RABAC1: variants seen among roughly 807,000 people sequenced by gnomAD.
The protein encoded by RABAC1 is Rab acceptor 1.
In RABAC1, 16 loss-of-function variants were observed where a neutral mutation model predicts 22.9. The observed-to-expected ratio is 0.70, with a 90% CI of 0.47 to 1.06. The LOEUF is 1.06. Among genes scored for constraint, RABAC1 ranks in the 50% least tolerant of loss-of-function variants. The pLI is 0.00. For missense variants in RABAC1, 227 were observed against 246.5 expected (o/e 0.92, Z 0.53); for synonymous variants, 139 against 107.7 (o/e 1.29, Z -1.80).
At chr19:41,959,046 C>T in intron 1 of RABAC1, 98 bp from the exon 2 acceptor site, 1 of 1,370,800 alleles carries the variant, frequency 7.3e-7, no homozygotes, top group Non-Finnish European at 9.7e-7. Context: ...CTCCCGGGAC[C>T]CCAGATTCCT....
intron 1 of RABAC1, 140 bp downstream of exon 1, chr19:41,959,097 G>A: frequency 7.3e-7 from 1 of 1,361,160 alleles, no homozygotes; most frequent in Non-Finnish European, 9.9e-7. Flanking sequence ...CAGACTCCAG[G>A]GTCCCATTAG....
intron 1 of RABAC1, 142 bp downstream of exon 1, chr19:41,959,095 A>G: frequency 7.4e-7 from 1 of 1,349,072 alleles, no homozygotes; most frequent in Non-Finnish European, 1.0e-6. Flanking sequence ...CCCAGACTCC[A>G]GGGTCCCATT....
intron 3 of RABAC1, chr19:41,957,979 C>T (rs1280608507): frequency 3.0e-6 from 1 of 333,322 alleles, no homozygotes. Context: ...TGATGTTGGC[C>T]GCAGAGAGCG....
In RABAC1 at chr19:41,959,287, T is replaced by G. The variant is rs1555857382; in HGVS notation, c.6A>C (p.Ala2=). 2.5e-6 allele frequency: 4 copies of G among 1,613,686 alleles called. No individual in the cohort carries two copies. The highest frequency in any genetic ancestry group is 3.4e-6 in the Non-Finnish European group (4 of 1,179,916). M[A]AQKDQQKDAE... ...CATCTTTCTGCTGGTCCTTCTGCGC[T>G]GCCATGTCTGCGTCGTGAGGGGTAG... The change falls in exon 1 of 5, where the codon GCA becomes GCC. Residue 2 remains alanine, a synonymous_variant. Transcript: ENST00000222008.
At position 41,958,879 on chromosome 19, in the gene RABAC1, G is replaced by A; in HGVS notation, c.126C>T (p.Ile42=). 6.2e-7 allele frequency: 1 copy of A among 1,601,440 alleles called. No individual in the cohort carries two copies. The highest frequency in any genetic ancestry group is 8.5e-7 in the Non-Finnish European group (1 of 1,177,536). The change falls in exon 2 of 5, where the codon ATC becomes ATT. Residue 42 remains isoleucine, a synonymous_variant. Transcript: ENST00000222008. ...GGTCCACGAAGGTGCTCCAGGGCCGGATGGTCGCGCGGCGCCGCTCCAGCC... is the reference window on the plus strand; with the variant it reads ...GGTCCACGAAGGTGCTCCAGGGCCGAATGGTCGCGCGGCGCCGCTCCAGCC... ...REWLERRRAT[I]RPWSTFVDQQ...
intron 4 of RABAC1, 35 bp downstream of exon 4, chr19:41,956,983 A>G (rs1555856767): frequency 6.2e-7 from 1 of 1,613,024 alleles, no homozygotes; most frequent in Admixed American, 1.7e-5. Context: ...CCTGGCTCCC[A>G]CCATCCACCC....
At chr19:41,958,499 A>AG in intron 2 of RABAC1, 116 bp from the exon 3 acceptor site, 1 of 1,067,882 alleles carries the variant, frequency 9.4e-7, no homozygotes, top group South Asian at 1.4e-5. Context: ...AGGGAGGGCC[A>AG]GGTGACATTT....
In RABAC1 at chr19:41,958,936, C is replaced by T. The variant is rs782233582; in HGVS notation, c.69G>A (p.Pro23=). 1 of 1,579,176 alleles carries T rather than the reference C, an allele frequency of 6.3e-7. No homozygotes were observed. Among genetic ancestry groups the T allele is most frequent in the East Asian group, 2.3e-5 (1 of 43,432 alleles). ...GGCCTGCACCGGAGGGAATCAGCTT[C>T]GGCAGCAGGGTCCTGCGGGGGGTGG... ...AEGLSGTTLL[P]KLIPSGAGRE... Residue 23 remains proline (P), a synonymous_variant, in exon 2 of 5, where the codon CCG becomes CCA. Transcript: ENST00000222008.
At chr19:41,957,918 T>A in intron 3 of RABAC1, 1 of 259,524 alleles carries the variant, frequency 3.9e-6, no homozygotes, top group South Asian at 3.9e-5. Context: ...CGGGAACAGA[T>A]CTAGGCCAGT....
chr19:41,959,031 ACTCC>A, intron 1 of RABAC1, 83 bp from the exon 2 acceptor site: 4 of 1,408,574 alleles, frequency 2.8e-6, no homozygotes, highest in Non-Finnish European at 3.8e-6. Flanking sequence ...GGGTGCCTGG[ACTCC>A]CTCCCGGGAC....
Position 41,959,218 on chromosome 19 carries a change from C to G in RABAC1, c.56+19G>C. 6.2e-7 allele frequency: 1 copy of G among 1,613,254 alleles called. No homozygotes were observed. Among genetic ancestry groups the G allele is most frequent in the African/African-American group, 1.3e-5 (1 of 75,062 alleles). On this transcript the variant is annotated intron_variant, in intron 1 of 4. Transcript: ENST00000222008. ...ACTCCCGGGTCTCTGGTCCGAGGGC[C>G]TAGAGCCAGCTCGCTCACGTGCCGC...
intron 1 of RABAC1, 127 bp downstream of exon 1, chr19:41,959,110 G>C: frequency 2.8e-6 from 4 of 1,415,140 alleles, no homozygotes; most frequent in Non-Finnish European, 3.8e-6. Context: ...CCCATTAGAG[G>C]AGACCGGGGC....
At chr19:41,959,109 G>A in intron 1 of RABAC1, 128 bp downstream of exon 1, 1 of 1,409,562 alleles carries the variant, frequency 7.1e-7, no homozygotes, top group Non-Finnish European at 9.6e-7. Flanking sequence ...TCCCATTAGA[G>A]GAGACCGGGG....
chr19:41,958,396 TG>T lies in RABAC1; in HGVS notation c.270-14del, dbSNP rs782370196. The stretch of plus-strand genomic sequence containing the variant: ...AGGGGACGTCACCCTGGAGGAGGAG[TG>T]CAGGGAGGCAGCGGTTAGACAGCTG... On this transcript the variant is annotated splice_polypyrimidine_tract_variant and intron_variant, in intron 2 of 4. Coordinates refer to ENST00000222008, the MANE Select transcript of RABAC1 (RefSeq NM_006423.3). 369 of 1,609,046 alleles carry T rather than the reference TG, an allele frequency of 2.3e-4. No homozygotes were observed. Among genetic ancestry groups the T allele is most frequent in the Non-Finnish European group, 3.1e-4 (361 of 1,177,088 alleles).
At chr19:41,959,112 G>C in intron 1 of RABAC1, 125 bp downstream of exon 1, 1 of 1,418,906 alleles carries the variant, frequency 7.0e-7, no homozygotes, top group Non-Finnish European at 9.6e-7. Context: ...CATTAGAGGA[G>C]ACCGGGGCCA....
intron 3 of RABAC1, 53 bp downstream of exon 3, chr19:41,958,233 A>G: frequency 1.3e-6 from 2 of 1,527,136 alleles, no homozygotes; most frequent in South Asian, 2.3e-5. Context: ...TCTGCATTCC[A>G]AAAGACCAAG....
Sources: gnomAD v4.1 joint callset for allele counts on GRCh38, gnomAD v4.1.1 for gene constraint, MANE v1.5 for transcripts, NCBI Gene and HGNC (gene_info 2026-07-23, HGNC 2026-07-21) for gene names.